Variants in CAMKMT observed in about 807,000 individuals in gnomAD.
CAMKMT encodes the protein CaM KMT.
CAMKMT carries 53 observed loss-of-function variants against 48.0 expected under a neutral mutation model. That is an observed-to-expected ratio of 1.10 (90% CI 0.89 to 1.39). The LOEUF is 1.39. CAMKMT is among the 40% of genes most tolerant of loss of function. CAMKMT has a pLI of 0.00. For missense variants in CAMKMT, 428 were observed against 402.7 expected (o/e 1.06, Z -0.54); for synonymous variants, 165 against 152.3 (o/e 1.08, Z -0.61).
rs1293884982 is a variant in CAMKMT, at chr2:44,666,612, C to CTTTTTTTTTTTTTTTTTTTT, written c.377-37654_377-37653insTTTTTTTTTTTTTTTTTTTT. Among the ~76,000 whole-genome samples, 23 of 133,960 alleles carry CTTTTTTTTTTTTTTTTTTTT rather than the reference C, an allele frequency of 1.7e-4. 3 individuals carry two copies. Among genetic ancestry groups the CTTTTTTTTTTTTTTTTTTTT allele is most frequent in the African/African-American group, 6.2e-4 (21 of 34,134 alleles). 87.9% of individuals were successfully genotyped at this position (133,960 alleles called of 152,430 possible). A position where few individuals can be genotyped will look rare whatever the true frequency, so the allele number is the denominator to read the frequency against. On this transcript the variant is annotated intron_variant, in intron 3 of 10. Transcript: ENST00000378494. ...TTGATCTCCTTTTGGCTCCTGGAAT[C>CTTTTTTTTTTTTTTTTTTTT]TTTTTTTTTTTTTTTTTGAGACAGA... is the stretch of plus-strand genomic sequence containing the variant.
intron 3 of CAMKMT, among the ~76,000 whole-genome samples, chr2:44,559,994 A>T (rs13402122): frequency 6.6e-6 from 1 of 152,078 alleles, no homozygotes; most frequent in Non-Finnish European, 1.5e-5. Flanking sequence ...TTTTATGCCA[A>T]TCAAAGTCAA....
chr2:44,548,990 T>G (rs1667555676), intron 3 of CAMKMT, among the ~76,000 whole-genome samples: 1 of 152,244 alleles, frequency 6.6e-6, no homozygotes. Context: ...TTTAAGCTGC[T>G]AAATTTCTGG....
intron 3 of CAMKMT, among the ~76,000 whole-genome samples, chr2:44,637,901 C>T (rs1220339942): frequency 6.6e-6 from 1 of 151,876 alleles, no homozygotes; most frequent in Admixed American, 6.6e-5. Flanking sequence ...CCCATCTCCA[C>T]TACAAATACA....
intron 3 of CAMKMT, among the ~76,000 whole-genome samples, chr2:44,590,577 G>A (rs1202381783): frequency 6.6e-6 from 1 of 152,112 alleles, no homozygotes; most frequent in Non-Finnish European, 1.5e-5. Context: ...GTCTGTTCAT[G>A]TCCTTCACCC....
intron 3 of CAMKMT, among the ~76,000 whole-genome samples, chr2:44,600,260 A>AT (rs555517210): frequency 0.046 from 6,762 of 148,086 alleles, 193 homozygotes; most frequent in Non-Finnish European, 0.065. Flanking sequence ...TGAGACCAAG[A>AT]TTTTTTTTTT....
At chr2:44,401,623 A>AT (rs1682383919) in intron 3 of CAMKMT, among the ~76,000 whole-genome samples, 1 of 152,170 alleles carries the variant, frequency 6.6e-6, no homozygotes, top group Non-Finnish European at 1.5e-5. Flanking sequence ...CCTGCTAACA[A>AT]TTTTTAGAAT....
intron 3 of CAMKMT, among the ~76,000 whole-genome samples, chr2:44,625,954 T>G (rs1424130777): frequency 6.6e-6 from 1 of 152,166 alleles, no homozygotes; most frequent in Non-Finnish European, 1.5e-5. Context: ...TCATCTAATT[T>G]TGTTCTACTT....
chr2:44,391,865 T>C (rs1321434689), intron 3 of CAMKMT: 3 of 152,964 alleles, frequency 2.0e-5, no homozygotes. Context: ...GTTTTTTCAC[T>C]GTTGTCTCTT....
chr2:44,427,864 C>T (rs922665989), intron 3 of CAMKMT, among the ~76,000 whole-genome samples: 12 of 152,106 alleles, frequency 7.9e-5, no homozygotes, highest in African/African-American at 2.4e-4. Flanking sequence ...GGACTTGCGA[C>T]AGGGTTGGCT....
At chr2:44,468,652 C>T (rs1390919717) in intron 3 of CAMKMT, among the ~76,000 whole-genome samples, 1 of 152,108 alleles carries the variant, frequency 6.6e-6, no homozygotes, top group Non-Finnish European at 1.5e-5. Context: ...GGTGTGGTGG[C>T]TTATGCCTGT....
chr2:44,771,638 G>T (rs1273845955), intron 10 of CAMKMT, among the ~76,000 whole-genome samples: 20 of 152,306 alleles, frequency 1.3e-4, no homozygotes, highest in Non-Finnish European at 4.4e-5. Context: ...TCCAAGCAGT[G>T]ATCTGAAATG....
At chr2:44,389,129 G>A (rs1246853160) in intron 2 of CAMKMT, among the ~76,000 whole-genome samples, 3 of 152,084 alleles carry the variant, frequency 2.0e-5, no homozygotes, top group Non-Finnish European at 2.9e-5. Flanking sequence ...CCATCATGTA[G>A]GGGCAGGGCT....
At chr2:44,402,312 C>A (rs547333975) in intron 3 of CAMKMT, among the ~76,000 whole-genome samples, 61,731 of 134,508 alleles carry the variant, frequency 0.46, 16,165 homozygotes, top group Middle Eastern at 0.61. Flanking sequence ...TTGGGTGACA[C>A]AGCAAGACTC....
chr2:44,529,211 A>G (rs896540966), intron 3 of CAMKMT, among the ~76,000 whole-genome samples: 1 of 152,198 alleles, frequency 6.6e-6, no homozygotes, highest in Admixed American at 6.5e-5. Context: ...CTTTAATATC[A>G]TTATGAACTC....
At chr2:44,433,321 G>A (rs575548325) in intron 3 of CAMKMT, among the ~76,000 whole-genome samples, 1 of 152,256 alleles carries the variant, frequency 6.6e-6, no homozygotes, top group East Asian at 1.9e-4. Context: ...TGATGCAATA[G>A]AAGTGAAGAA....
At chr2:44,538,419 T>G (rs1666902340) in intron 3 of CAMKMT, among the ~76,000 whole-genome samples, 1 of 151,362 alleles carries the variant, frequency 6.6e-6, no homozygotes, top group African/African-American at 2.4e-5. Context: ...GTAGTATATA[T>G]ACACCATGGC....
intron 3 of CAMKMT, among the ~76,000 whole-genome samples, chr2:44,412,904 C>T (rs537054733): frequency 1.3e-5 from 2 of 151,224 alleles, no homozygotes; most frequent in South Asian, 2.1e-4. Context: ...GGTGAAACCC[C>T]GTCTCCACTA....
intron 3 of CAMKMT, among the ~76,000 whole-genome samples, chr2:44,616,323 G>A (rs1671886579): frequency 6.6e-6 from 1 of 152,250 alleles, no homozygotes; most frequent in East Asian, 1.9e-4. Context: ...AGTTAGTCAC[G>A]TACCAACTTT....
At chr2:44,707,185 C>G (rs142557861) in intron 5 of CAMKMT, among the ~76,000 whole-genome samples, 39 of 151,792 alleles carry the variant, frequency 2.6e-4, no homozygotes, top group Admixed American at 1.4e-3. Context: ...AGAATGATAG[C>G]AAGATAGAGG....
Sources: allele counts gnomAD v4.1 joint callset (sites outside exome capture counted in the v4.1 genomes callset), GRCh38; gene constraint gnomAD v4.1.1; transcripts MANE v1.5; gene names NCBI Gene and HGNC (gene_info 2026-07-23, HGNC 2026-07-21).